DAG1: variants seen among roughly 807,000 people sequenced by gnomAD.
The protein encoded by DAG1 is dystroglycan 1, also known as dystroglycan 1 (dystrophin-associated glycoprotein 1).
In DAG1, 8 loss-of-function variants were observed where a neutral mutation model predicts 46.1. The observed-to-expected ratio is 0.17, with a 90% confidence interval of 0.10 to 0.31. The LOEUF (loss-of-function observed/expected upper bound fraction) is 0.31. DAG1 is among the 10% of genes least tolerant of loss of function. DAG1 has a pLI of 1.00. For missense variants in DAG1, 1,003 were observed against 1,189.9 expected (o/e 0.84, Z 2.31); for synonymous variants, 495 against 481.8 (o/e 1.03, Z -0.36).
chr3:49,485,657 C>CTTTTTTTTTTTTTTTTTTTTTT (rs749730213), intron 1 of DAG1, among the ~76,000 whole-genome samples: 1 of 82,110 alleles, frequency 1.2e-5, no homozygotes, highest in Non-Finnish European at 2.4e-5. Context: ...TGTTTTCTTT[C>CTTTTTTTTTTTTTTTTTTTTTT]TTTTTTTTTT....
intron 1 of DAG1, among the ~76,000 whole-genome samples, chr3:49,501,111 C>G (rs927333448): frequency 6.6e-6 from 1 of 152,166 alleles, no homozygotes; most frequent in African/African-American, 2.4e-5. Context: ...GAGTTGTGCC[C>G]TGAACATCGC....
intron 2 of DAG1, among the ~76,000 whole-genome samples, chr3:49,518,056 G>A (rs1357410648): frequency 1.3e-5 from 2 of 152,218 alleles, no homozygotes; most frequent in African/African-American, 4.8e-5. Context: ...TCTTCCCCAA[G>A]TATCAGAGGA....
intron 1 of DAG1, among the ~76,000 whole-genome samples, chr3:49,475,338 A>T (rs1367220742): frequency 6.7e-6 from 1 of 149,574 alleles, no homozygotes; most frequent in Non-Finnish European, 1.5e-5. Flanking sequence ...TCCCGACCTC[A>T]AGTGATCCGC....
Position 49,530,780 on chromosome 3 carries a change from G to A in DAG1, c.286-17G>A, listed in dbSNP as rs112776980. On this transcript the variant is annotated splice_polypyrimidine_tract_variant and intron_variant, in intron 2 of 2. Coordinates refer to ENST00000308775, the MANE Select transcript of DAG1 (RefSeq NM_004393.6). ...AGTGACAATAGTATTTTTAATTTATGCTTGTGTCTCTTCTAGGTATCAGCG... is the reference window on the plus strand; with the variant it reads ...AGTGACAATAGTATTTTTAATTTATACTTGTGTCTCTTCTAGGTATCAGCG... 2 of 1,614,184 alleles carry A rather than the reference G, an allele frequency of 1.2e-6. No homozygotes were observed. Among genetic ancestry groups the A allele is most frequent in the Non-Finnish European group, 1.7e-6 (2 of 1,180,026 alleles).
intron 1 of DAG1, among the ~76,000 whole-genome samples, chr3:49,507,130 C>T (rs1215319153): frequency 6.6e-6 from 1 of 151,970 alleles, no homozygotes; most frequent in Non-Finnish European, 1.5e-5. Context: ...GCGGGTGGAT[C>T]ACTTGAGGTC....
In DAG1 at chr3:49,534,438, C is replaced by G. The variant is rs537718966; in HGVS notation, c.*1239C>G. On this transcript the variant is annotated 3_prime_UTR_variant, in exon 3 of 3. Coordinates refer to ENST00000308775, the MANE Select transcript of DAG1 (RefSeq NM_004393.6). ...CTGGGGAGGAGTGCCAGCAATAGTT[C>G]ATAATAAAAATCTGTTAGCTCTCAA... 6.6e-6 allele frequency: 1 copy of G among 152,604 alleles called. No homozygotes were observed. The highest frequency in any genetic ancestry group is 1.5e-5 in the Non-Finnish European group (1 of 68,018). The allele number at this position is 152,604 out of a possible 1,614,324, so 9.5% of individuals were successfully genotyped here. A position where few individuals can be genotyped will look rare whatever the true frequency, so the allele number is the denominator to read the frequency against.
intron 1 of DAG1, among the ~76,000 whole-genome samples, chr3:49,504,071 C>T (rs886382521): frequency 2.0e-5 from 3 of 152,104 alleles, no homozygotes; most frequent in African/African-American, 7.2e-5. Context: ...ATGGTATAGT[C>T]AAGGTACAGA....
At chr3:49,487,857 C>T (rs1387475842) in intron 1 of DAG1, among the ~76,000 whole-genome samples, 1 of 151,930 alleles carries the variant, frequency 6.6e-6, no homozygotes, top group Admixed American at 6.6e-5. Context: ...CTCCCGCCAC[C>T]ATACACGGCT....
chr3:49,531,748 C>G lies in DAG1; in HGVS notation c.1237C>G (p.Pro413Ala). 6.2e-7 allele frequency: 1 copy of G among 1,614,030 alleles called. No individual in the cohort carries two copies. The highest frequency in any genetic ancestry group is 8.5e-7 in the Non-Finnish European group (1 of 1,179,996). ...GATGACCATTCCTGGCTATGTGGAG[C>G]CTACTGCAGTTGCTACCCCTCCCAC... ...PTMTIPGYVE[P>A]TAVATPPTTT... The change falls in exon 3 of 3, where the codon CCT becomes GCT. Residue 413 changes from proline (P) to alanine (A), a missense_variant. By Grantham distance (27) the Pro-to-Ala change is conservative. Transcript: ENST00000308775. The surrounding 1 kb of genome is among the most constrained non-coding windows in gnomAD (Gnocchi z 7.0).
intron 1 of DAG1, among the ~76,000 whole-genome samples, chr3:49,476,015 A>G (rs1260307078): frequency 6.6e-6 from 1 of 151,908 alleles, no homozygotes; most frequent in African/African-American, 2.4e-5. Context: ...GCACCCGGCC[A>G]TAGCTAAGCA....
chr3:49,480,115 A>ATTT (rs34246427), intron 1 of DAG1, among the ~76,000 whole-genome samples: 3 of 108,752 alleles, frequency 2.8e-5, no homozygotes, highest in Non-Finnish European at 5.4e-5. Context: ...ACACCCGGCT[A>ATTT]TTTTTTTTTT....
chr3:49,515,927 C>T, intron 2 of DAG1, among the ~76,000 whole-genome samples: 1 of 152,148 alleles, frequency 6.6e-6, no homozygotes, highest in Middle Eastern at 3.2e-3. Context: ...TTTTACTGAG[C>T]TGCACCAAGA....
At chr3:49,508,396 A>G (rs1468752051) in intron 1 of DAG1, among the ~76,000 whole-genome samples, 1 of 150,650 alleles carries the variant, frequency 6.6e-6, no homozygotes, top group Non-Finnish European at 1.5e-5. Context: ...GTTTGTGTAT[A>G]TGTATGTATG....
At chr3:49,496,108 C>T (rs2050303511) in intron 1 of DAG1, among the ~76,000 whole-genome samples, 2 of 152,124 alleles carry the variant, frequency 1.3e-5, no homozygotes, top group Admixed American at 6.5e-5. Context: ...AAAGTATTTT[C>T]TTCTGAAGTC....
intron 2 of DAG1, among the ~76,000 whole-genome samples, chr3:49,514,368 A>G (rs1407410469): frequency 6.6e-6 from 1 of 152,234 alleles, no homozygotes; most frequent in African/African-American, 2.4e-5. Context: ...ATTCAGAGTG[A>G]AGTCCTCTAC....
intron 1 of DAG1, among the ~76,000 whole-genome samples, chr3:49,503,934 T>C (rs1456686677): frequency 2.0e-5 from 3 of 152,204 alleles, no homozygotes; most frequent in Admixed American, 1.3e-4. Flanking sequence ...TTTAAAAGAT[T>C]TTTTGAGATA....
intron 1 of DAG1, among the ~76,000 whole-genome samples, chr3:49,486,439 C>T (rs976560701): frequency 5.3e-5 from 8 of 151,644 alleles, no homozygotes; most frequent in African/African-American, 1.9e-4. Context: ...AGGATGGTCT[C>T]GATCTCCTGA....
At chr3:49,501,508 T>A (rs2050449717) in intron 1 of DAG1, among the ~76,000 whole-genome samples, 1 of 152,120 alleles carries the variant, frequency 6.6e-6, no homozygotes, top group Admixed American at 6.6e-5. Context: ...CTGAGCCATT[T>A]ACTAAATTAG....
At chr3:49,495,545 G>A (rs574511717) in intron 1 of DAG1, among the ~76,000 whole-genome samples, 1 of 152,184 alleles carries the variant, frequency 6.6e-6, no homozygotes, top group Non-Finnish European at 1.5e-5. Context: ...ATTCCCACTT[G>A]GATTCTGCTG....
Sources: allele counts gnomAD v4.1 joint callset (sites outside exome capture counted in the v4.1 genomes callset), GRCh38; gene constraint gnomAD v4.1.1; non-coding constraint Gnocchi (gnomAD v3.1); transcripts MANE v1.5; gene names NCBI Gene and HGNC (gene_info 2026-07-23, HGNC 2026-07-21).